GRIP1: variants seen among roughly 807,000 people sequenced by gnomAD.
GRIP1 encodes the protein glutamate receptor interacting protein 1.
Under a neutral mutation model 129.9 loss-of-function variants are expected in GRIP1, and 45 were observed. The observed-to-expected ratio is 0.35, with a 90% confidence interval of 0.27 to 0.44. GRIP1 has a LOEUF of 0.44. Ranked by LOEUF, GRIP1 falls within the 20% of genes least tolerant of loss-of-function variation. The pLI is 1.00. For synonymous variants in GRIP1, 530 were observed against 520.8 expected (o/e 1.02, Z -0.24); for missense variants, 1,196 against 1,396.8 (o/e 0.86, Z 2.29).
Position 66,461,800 on chromosome 12 carries a change from C to T in GRIP1, c.1042+1124G>A, listed in dbSNP as rs78520873. Among the ~76,000 whole-genome samples the T allele has an allele frequency of 7.9e-5, 12 of 152,184 alleles. No individual in the cohort carries two copies. The East Asian group carries it at 2.3e-3, about 29-fold the overall frequency. On this transcript the variant is annotated intron_variant, in intron 9 of 24. Coordinates refer to ENST00000359742, the MANE Select transcript of GRIP1 (RefSeq NM_001366722.1). ...AGGTGGGAGACACAATACAAATGACCCCCTCATAAGCAAAATTTCAATTTC... is the reference window on the plus strand; with the variant it reads ...AGGTGGGAGACACAATACAAATGACTCCCTCATAAGCAAAATTTCAATTTC...
chr12:66,947,167 T>A (rs2041685831), intron 1 of GRIP1, among the ~76,000 whole-genome samples: 1 of 152,204 alleles, frequency 6.6e-6, no homozygotes, highest in East Asian at 1.9e-4. Context: ...TCCTCGCTTT[T>A]ATCATATAAT....
intron 1 of GRIP1, among the ~76,000 whole-genome samples, chr12:66,676,144 T>C (rs935235725): frequency 6.6e-6 from 1 of 152,176 alleles, no homozygotes; most frequent in African/African-American, 2.4e-5. Context: ...AAAAATGCTT[T>C]TTACACCTAT....
chr12:66,750,123 G>T (rs1291750251), intron 1 of GRIP1, among the ~76,000 whole-genome samples: 2 of 152,150 alleles, frequency 1.3e-5, no homozygotes, highest in Non-Finnish European at 2.9e-5. Flanking sequence ...CTAATGAGCA[G>T]AGATTATATC....
chr12:66,691,844 T>C (rs1490265225), intron 1 of GRIP1, among the ~76,000 whole-genome samples: 1 of 152,130 alleles, frequency 6.6e-6, no homozygotes, highest in Non-Finnish European at 1.5e-5. Flanking sequence ...GGATGAACTA[T>C]TTTGCAGAAG....
At chr12:66,678,072 C>T (rs1472117209) in intron 1 of GRIP1, among the ~76,000 whole-genome samples, 1 of 152,032 alleles carries the variant, frequency 6.6e-6, no homozygotes, top group Admixed American at 6.6e-5. Flanking sequence ...TCTATATGGA[C>T]ACAAGGCAGG....
At chr12:66,536,893 T>C (rs766074861) in intron 4 of GRIP1, among the ~76,000 whole-genome samples, 12 of 152,134 alleles carry the variant, frequency 7.9e-5, no homozygotes, top group African/African-American at 2.9e-4. Context: ...TTCTCATTAG[T>C]ATGGAAGAGC....
Position 66,349,061 on chromosome 12 carries a change from G to GT in GRIP1, c.3344dup (p.His1115GlnfsTer4). ...GTTCTCGTGTCTCCAAATTACCACCGTGGCTAGGCTGCTGGAAAAAAGCAC... is the reference window on the plus strand; with the variant it reads ...GTTCTCGTGTCTCCAAATTACCACCGTTGGCTAGGCTGCTGGAAAAAAGCAC... On this transcript the variant is annotated frameshift_variant, in exon 25 of 25. Transcript: ENST00000359742. LOFTEE classifies it high-confidence loss of function. The GT allele has an allele frequency of 1.2e-6, 2 of 1,613,946 alleles. No homozygotes were observed. The highest frequency in any genetic ancestry group is 2.2e-5 in the South Asian group (2 of 91,080).
intron 1 of GRIP1, among the ~76,000 whole-genome samples, chr12:66,648,695 G>A (rs1000904832): frequency 1.3e-5 from 2 of 152,136 alleles, no homozygotes; most frequent in East Asian, 1.9e-4. Context: ...TGACAGAGTC[G>A]GTGACATTAT....
At chr12:66,363,225 A>ATG (rs1565666430) in intron 23 of GRIP1, among the ~76,000 whole-genome samples, 1 of 133,840 alleles carries the variant, frequency 7.5e-6, no homozygotes, top group Non-Finnish European at 1.6e-5. Flanking sequence ...ATATATATAT[A>ATG]TATAAAGTTT....
In GRIP1 at chr12:66,579,041, G is replaced by A. The variant is rs538905362; in HGVS notation, c.136+17806C>T. Among the ~76,000 whole-genome samples the A allele has an allele frequency of 1.4e-4, 22 of 152,238 alleles. No individual in the cohort carries two copies. In the East Asian group the frequency reaches 2.3e-3, roughly 16 times the overall value. ...GGGCAGACTGACACCTAACACAGCC[G>A]GGTACTCCTCTGAGACAAAACTTCC... On this transcript the variant is annotated intron_variant, in intron 2 of 24. Coordinates refer to ENST00000359742, the MANE Select transcript of GRIP1 (RefSeq NM_001366722.1).
At chr12:66,507,934 C>T (rs1046118935) in intron 7 of GRIP1, among the ~76,000 whole-genome samples, 1 of 152,148 alleles carries the variant, frequency 6.6e-6, no homozygotes, top group Non-Finnish European at 1.5e-5. Context: ...CCATGCCTAG[C>T]TAACACTGTA....
In GRIP1 at chr12:66,444,738, G is replaced by A; in HGVS notation, c.1542-9C>T. On this transcript the variant is annotated splice_polypyrimidine_tract_variant and intron_variant, in intron 12 of 24. Transcript: ENST00000359742. ...TCTGTAGCACCCCACATCTAATTTA[G>A]AACCACATGTGAGAGGTTGTAGATG... 1 of 1,613,656 alleles carries A rather than the reference G, an allele frequency of 6.2e-7. No individual in the cohort carries two copies. Among genetic ancestry groups the A allele is most frequent in the Non-Finnish European group, 8.5e-7 (1 of 1,179,624 alleles).
At chr12:66,584,166 C>A (rs1243362095) in intron 2 of GRIP1, among the ~76,000 whole-genome samples, 10 of 149,606 alleles carry the variant, frequency 6.7e-5, no homozygotes, top group Non-Finnish European at 1.0e-4. Flanking sequence ...GAACAAAAAA[C>A]CAAACACCGC....
At chr12:67,056,905 G>T (rs1207276990) in intron 1 of GRIP1, among the ~76,000 whole-genome samples, 1 of 152,080 alleles carries the variant, frequency 6.6e-6, no homozygotes, top group Non-Finnish European at 1.5e-5. Context: ...CCGCCTCCCG[G>T]GTTCAAGCGA....
chr12:66,764,029 G>A (rs11838085), intron 1 of GRIP1, among the ~76,000 whole-genome samples: 1,984 of 152,310 alleles, frequency 0.013, 53 homozygotes, highest in African/African-American at 0.046. Flanking sequence ...AGAGCGAGCT[G>A]TGAACAAGAA....
intron 23 of GRIP1, among the ~76,000 whole-genome samples, chr12:66,354,165 T>C (rs1027767268): frequency 6.6e-6 from 1 of 152,110 alleles, no homozygotes; most frequent in African/African-American, 2.4e-5. Flanking sequence ...CCTCAGCATT[T>C]GTCTAGGGTT....
intron 19 of GRIP1, 75 bp from the exon 20 acceptor site, chr12:66,379,511 T>C (rs915115581): frequency 2.2e-5 from 31 of 1,419,078 alleles, no homozygotes; most frequent in Admixed American, 6.7e-5. Context: ...TGTTAACCAG[T>C]AGAGGAGTCA....
chr12:66,961,958 T>C (rs190007734), intron 1 of GRIP1, among the ~76,000 whole-genome samples: 2 of 152,336 alleles, frequency 1.3e-5, no homozygotes, highest in Admixed American at 1.3e-4. Context: ...TAAAAACTTT[T>C]TAAAAAGTAG....
chr12:66,826,687 T>C (rs2039419455), intron 1 of GRIP1, among the ~76,000 whole-genome samples: 1 of 150,942 alleles, frequency 6.6e-6, no homozygotes, highest in South Asian at 2.1e-4. Flanking sequence ...AAAAAGAAAA[T>C]AAACAATATA....
Sources: allele counts gnomAD v4.1 joint callset (sites outside exome capture counted in the v4.1 genomes callset), GRCh38; gene constraint gnomAD v4.1.1; transcripts MANE v1.5; gene names NCBI Gene and HGNC (gene_info 2026-07-23, HGNC 2026-07-21).